Variants in MAMDC2 observed in about 807,000 individuals in gnomAD.
MAMDC2 encodes MAM domain-containing protein 2.
A neutral mutation model predicts 89.8 loss-of-function variants in MAMDC2; 57 were observed. That is an observed-to-expected ratio of 0.63 (90% CI 0.51 to 0.79). The LOEUF (loss-of-function observed/expected upper bound fraction) is 0.79, where lower values mean the gene tolerates loss of function less well. MAMDC2 is among the 30% of genes least tolerant of loss of function. The pLI is 0.00. For synonymous variants in MAMDC2, 313 were observed against 293.4 expected (o/e 1.07, Z -0.68); for missense variants, 800 against 820.6 (o/e 0.97, Z 0.31).
chr9:70,188,762 A>ATTTTTTTTTTTTTTTTTT (rs10701601), intron 11 of MAMDC2: 1 of 95,168 alleles, frequency 1.1e-5, no homozygotes, highest in African/African-American at 4.3e-5. Flanking sequence ...AAAACAATTG[A>ATTTTTTTTTTTTTTTTTT]TTTTTTTTTT....
chr9:70,114,571 A>G (rs1282664012), intron 5 of MAMDC2, among the ~76,000 whole-genome samples: 2 of 152,154 alleles, frequency 1.3e-5, no homozygotes, highest in Non-Finnish European at 2.9e-5. Flanking sequence ...TCTTAGAATA[A>G]GCTCTTTATA....
chr9:70,169,476 T>C (rs1207237284), intron 10 of MAMDC2, among the ~76,000 whole-genome samples: 1 of 152,232 alleles, frequency 6.6e-6, no homozygotes, highest in Non-Finnish European at 1.5e-5. Context: ...TCCATGTTTA[T>C]TTAATTAAAA....
At chr9:70,170,263 A>G (rs963214177) in intron 10 of MAMDC2, 3 of 427,820 alleles carry the variant, frequency 7.0e-6, no homozygotes, top group East Asian at 3.5e-5. Flanking sequence ...TTAGATCTGT[A>G]TATCTGATTG....
chr9:70,077,811 T>C (rs979338351), intron 2 of MAMDC2, among the ~76,000 whole-genome samples: 2 of 152,204 alleles, frequency 1.3e-5, no homozygotes, highest in African/African-American at 4.8e-5. Context: ...CAAGCCTTTC[T>C]TGACTGTGTT....
chr9:70,156,317 C>G (rs2031763979), intron 9 of MAMDC2, among the ~76,000 whole-genome samples: 1 of 152,168 alleles, frequency 6.6e-6, no homozygotes, highest in Non-Finnish European at 1.5e-5. Context: ...ATTTTAAAGG[C>G]AGCTCTAGAA....
chr9:70,049,203 A>T (rs1406241152), intron 2 of MAMDC2, among the ~76,000 whole-genome samples: 1 of 151,998 alleles, frequency 6.6e-6, no homozygotes, highest in East Asian at 1.9e-4. Flanking sequence ...AGGGTTGGGC[A>T]TCATGAAGGG....
intron 2 of MAMDC2, chr9:70,081,851 T>TA (rs1475272433): frequency 6.6e-6 from 1 of 151,904 alleles, no homozygotes; most frequent in African/African-American, 2.4e-5. Context: ...GAGATCTTTT[T>TA]TTTTCTGGAG....
chr9:70,092,760 G>A (rs528997170), intron 2 of MAMDC2: 6 of 152,086 alleles, frequency 3.9e-5, no homozygotes, highest in Non-Finnish European at 7.4e-5. Context: ...ATTCAATTAT[G>A]TTTGGAGAAA....
chr9:70,132,121 T>G lies in MAMDC2; in HGVS notation c.994+509T>G, dbSNP rs1338315692. On this transcript the variant is annotated intron_variant, in intron 7 of 13. Transcript: ENST00000377182. Reference sequence around the variant, plus strand: ...TAAATAGCATGTGCTCTTAATTAAATTACTTTCCACTTCCAGGATGAACCC... The same window carrying G: ...TAAATAGCATGTGCTCTTAATTAAAGTACTTTCCACTTCCAGGATGAACCC... Among the ~76,000 whole-genome samples the G allele has an allele frequency of 3.3e-5, 5 of 152,362 alleles. No homozygotes were observed. In the East Asian group the frequency reaches 9.6e-4, roughly 29 times the overall value.
chr9:70,160,291 G>A (rs1173267668), intron 9 of MAMDC2, among the ~76,000 whole-genome samples: 1 of 151,982 alleles, frequency 6.6e-6, no homozygotes, highest in African/African-American at 2.4e-5. Context: ...AAATCAGGAA[G>A]GCATTTGCAC....
At chr9:70,210,449 T>G (rs2033330092) in intron 11 of MAMDC2, among the ~76,000 whole-genome samples, 1 of 152,240 alleles carries the variant, frequency 6.6e-6, no homozygotes. Context: ...AGACTAGGAT[T>G]GCAACCCCTG....
chr9:70,045,740 T>A (rs1223275447), intron 2 of MAMDC2, among the ~76,000 whole-genome samples: 1 of 152,184 alleles, frequency 6.6e-6, no homozygotes, highest in Non-Finnish European at 1.5e-5. Flanking sequence ...AGGTAGGTGA[T>A]GTTGGACCCG....
intron 2 of MAMDC2, among the ~76,000 whole-genome samples, chr9:70,096,296 C>G (rs1927110): frequency 0.15 from 22,313 of 152,062 alleles, 1,997 homozygotes; most frequent in African/African-American, 0.23. Flanking sequence ...GGGATTACAG[C>G]TGTGAGCCAC....
At chr9:70,061,015 G>A (rs1827138605) in intron 2 of MAMDC2, among the ~76,000 whole-genome samples, 1 of 152,174 alleles carries the variant, frequency 6.6e-6, no homozygotes, top group Non-Finnish European at 1.5e-5. Context: ...ATGAATGGAT[G>A]TGAGTGGCTG....
chr9:70,166,306 T>C (rs28670918), intron 9 of MAMDC2, among the ~76,000 whole-genome samples: 15,569 of 133,514 alleles, frequency 0.12, 1,050 homozygotes, highest in East Asian at 0.22. Context: ...CACACACACA[T>C]ATATATATAT....
intron 4 of MAMDC2, among the ~76,000 whole-genome samples, chr9:70,110,135 T>C (rs142962046): frequency 1.3e-5 from 2 of 152,346 alleles, no homozygotes; most frequent in African/African-American, 4.8e-5. Flanking sequence ...TTTTGTAGCA[T>C]GTGCCAGAAA....
chr9:70,082,622 C>T (rs1338247842), intron 2 of MAMDC2: 1 of 152,068 alleles, frequency 6.6e-6, no homozygotes, highest in African/African-American at 2.4e-5. Flanking sequence ...TATCCTCTAC[C>T]TTATAATCCG....
intron 5 of MAMDC2, 55 bp from the exon 6 acceptor site, chr9:70,126,104 T>G (rs1194168021): frequency 2.6e-6 from 4 of 1,519,904 alleles, no homozygotes; most frequent in Non-Finnish European, 2.7e-6. Context: ...CCTGAACCTC[T>G]TCCCCTCCCC....
intron 2 of MAMDC2, among the ~76,000 whole-genome samples, chr9:70,064,214 G>T (rs1327154656): frequency 1.3e-5 from 2 of 151,712 alleles, no homozygotes; most frequent in African/African-American, 4.9e-5. Context: ...GTGGTGTTTG[G>T]TTACATGAGT....
Sources: gnomAD v4.1 joint callset for allele counts (sites outside exome capture counted in the v4.1 genomes callset) on GRCh38, gnomAD v4.1.1 for gene constraint, MANE v1.5 for transcripts, NCBI Gene and HGNC (gene_info 2026-07-23, HGNC 2026-07-21) for gene names.